Variants in FOXP1 observed in about 807,000 individuals in gnomAD.
FOXP1 encodes the protein forkhead box protein P1.
A neutral mutation model predicts 98.2 loss-of-function variants in FOXP1; 15 were observed. The observed-to-expected ratio is 0.15, with a 90% confidence interval of 0.10 to 0.24. The LOEUF (loss-of-function observed/expected upper bound fraction) is 0.24, where lower values mean the gene tolerates loss of function less well. Ranked by LOEUF, FOXP1 falls within the 10% of genes least tolerant of loss-of-function variation. The probability of loss-of-function intolerance (pLI) is 1.00; values close to 1 mark genes in which losing one functional copy is unlikely to be tolerated. For synonymous variants in FOXP1, 371 were observed against 314.5 expected (o/e 1.18, Z -1.90); for missense variants, 633 against 848.5 (o/e 0.75, Z 3.15).
intron 7 of FOXP1, among the ~76,000 whole-genome samples, chr3:71,100,091 T>C (rs950748934): frequency 2.6e-5 from 4 of 152,220 alleles, no homozygotes; most frequent in Non-Finnish European, 5.9e-5. Flanking sequence ...GATAGGTCTA[T>C]GGCAAGCTTG....
chr3:71,383,260 T>G (rs2080313275), intron 3 of FOXP1, among the ~76,000 whole-genome samples: 2 of 152,208 alleles, frequency 1.3e-5, no homozygotes, highest in Non-Finnish European at 2.9e-5. Flanking sequence ...TTGGCATCCT[T>G]AATTTCTAGG....
intron 4 of FOXP1, among the ~76,000 whole-genome samples, chr3:71,348,818 G>A (rs906253765): frequency 3.3e-5 from 5 of 152,146 alleles, no homozygotes; most frequent in African/African-American, 9.7e-5. Context: ...TAACTGTTAT[G>A]TGTGCTAAGA....
chr3:71,032,235 G>A (rs933724528), intron 11 of FOXP1, among the ~76,000 whole-genome samples: 1 of 152,244 alleles, frequency 6.6e-6, no homozygotes, highest in Non-Finnish European at 1.5e-5. Context: ...TGCCCGGGGG[G>A]ATTGTCCCAT....
intron 6 of FOXP1, among the ~76,000 whole-genome samples, chr3:71,132,586 T>C (rs867964420): frequency 6.6e-6 from 1 of 152,358 alleles, no homozygotes; most frequent in South Asian, 2.1e-4. Context: ...TTCCACATTA[T>C]AATTTAGCCT....
At chr3:71,431,859 T>C (rs1045343238) in intron 3 of FOXP1, among the ~76,000 whole-genome samples, 1 of 152,196 alleles carries the variant, frequency 6.6e-6, no homozygotes, top group South Asian at 2.1e-4. Context: ...CTTCATTGTG[T>C]AGTGTCTATG....
intron 7 of FOXP1, chr3:71,065,758 C>T (rs1169191967): frequency 6.6e-6 from 1 of 152,232 alleles, no homozygotes; most frequent in East Asian, 1.9e-4. Context: ...AAAAGCTACT[C>T]TCAATAAGCA....
intron 6 of FOXP1, among the ~76,000 whole-genome samples, chr3:71,133,248 A>G (rs145209477): frequency 6.6e-6 from 1 of 152,320 alleles, no homozygotes; most frequent in East Asian, 1.9e-4. Flanking sequence ...TGACACGTAT[A>G]AAGACCTTCA....
At chr3:71,413,830 A>G (rs1334947403) in intron 3 of FOXP1, among the ~76,000 whole-genome samples, 1 of 152,160 alleles carries the variant, frequency 6.6e-6, no homozygotes, top group Non-Finnish European at 1.5e-5. Context: ...TTACAGTAAC[A>G]TTTTATATAT....
chr3:71,206,517 G>A (rs1191650037), intron 5 of FOXP1, among the ~76,000 whole-genome samples: 2 of 152,162 alleles, frequency 1.3e-5, no homozygotes, highest in African/African-American at 2.4e-5. Flanking sequence ...TAGAGTTGGC[G>A]GGATAGGGTG....
intron 7 of FOXP1, among the ~76,000 whole-genome samples, chr3:71,108,809 T>C (rs2057666066): frequency 1.3e-5 from 2 of 152,186 alleles, no homozygotes; most frequent in East Asian, 1.9e-4. Flanking sequence ...AATTTTCGTT[T>C]TGCAGCAAAA....
At chr3:71,009,624 G>A (rs956159415) in intron 12 of FOXP1, among the ~76,000 whole-genome samples, 2 of 151,924 alleles carry the variant, frequency 1.3e-5, no homozygotes, top group African/African-American at 4.8e-5. Flanking sequence ...GGAAATTTTT[G>A]GATATTTAAA....
intron 20 of FOXP1, among the ~76,000 whole-genome samples, chr3:70,963,481 C>T (rs1475854711): frequency 1.3e-5 from 2 of 152,282 alleles, no homozygotes; most frequent in Non-Finnish European, 2.9e-5. Flanking sequence ...ATACACTCAC[C>T]GTGTCTCCTG....
chr3:71,134,054 C>A (rs1369843003), intron 6 of FOXP1, among the ~76,000 whole-genome samples: 1 of 152,114 alleles, frequency 6.6e-6, no homozygotes, highest in African/African-American at 2.4e-5. Context: ...TTATGGAATT[C>A]TTGACCCTTG....
At chr3:71,006,469 G>A (rs557911155) in intron 12 of FOXP1, among the ~76,000 whole-genome samples, 1 of 152,170 alleles carries the variant, frequency 6.6e-6, no homozygotes, top group South Asian at 2.1e-4. Context: ...CGTTTATGAA[G>A]TACCAGCAAT....
intron 6 of FOXP1, among the ~76,000 whole-genome samples, chr3:71,118,320 G>T (rs566063982): frequency 6.6e-6 from 1 of 152,148 alleles, no homozygotes; most frequent in Non-Finnish European, 1.5e-5. Flanking sequence ...TTACATAAGC[G>T]TGTTTACAAC....
intron 2 of FOXP1, among the ~76,000 whole-genome samples, chr3:71,513,579 T>A (rs758485834): frequency 3.3e-5 from 5 of 152,136 alleles, no homozygotes; most frequent in Non-Finnish European, 7.4e-5. Context: ...TTATAGCAGA[T>A]CAACACCTCC....
chr3:71,025,371 GA>G (rs1242072426), intron 11 of FOXP1, among the ~76,000 whole-genome samples: 1 of 152,196 alleles, frequency 6.6e-6, no homozygotes, highest in Non-Finnish European at 1.5e-5. Context: ...TAAGCCCCCA[GA>G]GCTGCTGGGC....
intron 2 of FOXP1, among the ~76,000 whole-genome samples, chr3:71,558,898 G>T (rs538661564): frequency 4.1e-5 from 6 of 147,834 alleles, no homozygotes; most frequent in Non-Finnish European, 7.5e-5. Flanking sequence ...TGCCTCCCGG[G>T]TTCAAGCAAT....
intron 12 of FOXP1, among the ~76,000 whole-genome samples, chr3:71,006,465 T>A (rs1364452556): frequency 6.6e-6 from 1 of 152,152 alleles, no homozygotes; most frequent in Non-Finnish European, 1.5e-5. Context: ...TATACGTTTA[T>A]GAAGTACCAG....
Sources: gnomAD v4.1 joint callset for allele counts (sites outside exome capture counted in the v4.1 genomes callset) on GRCh38, gnomAD v4.1.1 for gene constraint, MANE v1.5 for transcripts, NCBI Gene and HGNC (gene_info 2026-07-23, HGNC 2026-07-21) for gene names.